Variants in CDKL2 observed in about 807,000 individuals in gnomAD.
CDKL2 encodes the protein cyclin dependent kinase like 2.
CDKL2 carries 64 observed loss-of-function variants against 63.9 expected under a neutral mutation model. The observed-to-expected ratio is 1.00, with a 90% CI of 0.82 to 1.23. CDKL2 has a LOEUF of 1.23. Among genes scored for constraint, CDKL2 ranks in the 50% most tolerant of loss-of-function variants. The pLI is 0.00. For missense variants in CDKL2, 656 were observed against 668.0 expected (o/e 0.98, Z 0.20); for synonymous variants, 211 against 229.2 (o/e 0.92, Z 0.72).
Position 75,581,864 on chromosome 4 carries a change from G to T in CDKL2, c.1682C>A (p.Ala561Asp), listed in dbSNP as rs751532163. The T allele has an allele frequency of 1.2e-5, 20 of 1,612,902 alleles. No homozygotes were observed. The highest frequency in any genetic ancestry group is 1.7e-5 in the Non-Finnish European group (20 of 1,179,236). The change falls in exon 13 of 14, where the codon GCT becomes GAT. Residue 561 changes from alanine (A) to aspartate (D), a missense_variant. By Grantham distance (126) the Ala-to-Asp change is moderately radical. Coordinates refer to ENST00000307465, the MANE Select transcript of CDKL2 (RefSeq NM_001330724.2). ...SGPPLSDDSGADLPQMEHQH is the reference protein window; with the variant it reads ...SGPPLSDDSGDDLPQMEHQH ...CTGGTGTTCCATTTGAGGCAAATCA[G>T]CCCCTGAATCATCTGACAGGGGAGG... is the stretch of plus-strand genomic sequence containing the variant.
Position 75,580,159 on chromosome 4 carries a change from C to T in CDKL2, c.*24-981G>A, listed in dbSNP as rs146229663. On this transcript the variant is annotated intron_variant, in intron 13 of 13. Transcript: ENST00000307465. ...TGGTGGCACACACCTGTGATCCCAGCTACTCAGGAGGCTGAGGCATGAGGA... is the reference window on the plus strand; with the variant it reads ...TGGTGGCACACACCTGTGATCCCAGTTACTCAGGAGGCTGAGGCATGAGGA... Among the ~76,000 whole-genome samples, 494 of 152,146 alleles carry T rather than the reference C, an allele frequency of 3.2e-3. 4 individuals are homozygous for T. The highest frequency in any genetic ancestry group is 0.011 in the African/African-American group (438 of 41,488).
At chr4:75,584,073 C>T (rs2148857939) in intron 12 of CDKL2, among the ~76,000 whole-genome samples, 1 of 152,256 alleles carries the variant, frequency 6.6e-6, no homozygotes, top group Admixed American at 6.5e-5. Flanking sequence ...TATGAAGGGA[C>T]TTTGTGCATG....
At chr4:75,579,868 C>G (rs572461298) in intron 13 of CDKL2, among the ~76,000 whole-genome samples, 1 of 152,318 alleles carries the variant, frequency 6.6e-6, no homozygotes, top group Admixed American at 6.5e-5. Flanking sequence ...TTGAAAGGAC[C>G]TGTGCAAATG....
At chr4:75,593,110 G>A (rs1728780588) in intron 10 of CDKL2, among the ~76,000 whole-genome samples, 1 of 152,114 alleles carries the variant, frequency 6.6e-6, no homozygotes, top group Admixed American at 6.6e-5. Context: ...CTACCAGAAA[G>A]TCTTCAAGAG....
intron 3 of CDKL2, among the ~76,000 whole-genome samples, chr4:75,607,961 T>C (rs552592108): frequency 1.2e-4 from 18 of 151,778 alleles, no homozygotes; most frequent in Non-Finnish European, 1.6e-4. Context: ...TACTGGCGCC[T>C]GCCACCACGC....
At chr4:75,616,909 T>C (rs1729952908) in intron 2 of CDKL2, among the ~76,000 whole-genome samples, 1 of 151,936 alleles carries the variant, frequency 6.6e-6, no homozygotes, top group African/African-American at 2.4e-5. Context: ...GGGAGCTAAA[T>C]GATGAGTGCA....
In CDKL2 at chr4:75,614,214, T is replaced by C. The variant is rs1349936359; in HGVS notation, c.363+41A>G. ...TAAGACAGATTAAAGGATTAATGAATAAATATGTGATAAAGCAAATTATTT... is the reference window on the plus strand; with the variant it reads ...TAAGACAGATTAAAGGATTAATGAACAAATATGTGATAAAGCAAATTATTT... On this transcript the variant is annotated intron_variant, in intron 3 of 13. Transcript: ENST00000307465. 2.3e-6 allele frequency: 3 copies of C among 1,300,924 alleles called. No individual in the cohort carries two copies. In the South Asian group the frequency reaches 4.0e-5, roughly 17 times the overall value. 80.6% of individuals were successfully genotyped at this position (1,300,924 alleles called of 1,614,324 possible).
rs1729460494 is a variant in CDKL2, at chr4:75,607,270, G to A, written c.455C>T (p.Ala152Val). 1.9e-6 allele frequency: 3 copies of A among 1,613,980 alleles called. No individual in the cohort carries two copies. Among genetic ancestry groups the A allele is most frequent in the Non-Finnish European group, 2.5e-6 (3 of 1,179,890 alleles). The change falls in exon 4 of 14, where the codon GCA becomes GTA. Residue 152 changes from alanine to valine, a missense_variant. Transcript: ENST00000307465. ...LCDFGFARTL[A>V]APGEVYTDYV... is the part of the protein sequence containing the mutation. ...ATCAGTATAAACCTCCCCAGGAGCT[G>A]CCAATGTTCGCGCAAATCCAAAATC... is the stretch of plus-strand genomic sequence containing the variant.
intron 6 of CDKL2, among the ~76,000 whole-genome samples, chr4:75,603,574 C>CA (rs1269444011): frequency 1.3e-5 from 2 of 150,588 alleles, no homozygotes; most frequent in Admixed American, 6.6e-5. Flanking sequence ...ACTAAAAATA[C>CA]AAAAAATTAG....
chr4:75,579,174 A>C lies in CDKL2; in HGVS notation c.*28T>G, dbSNP rs1046714185. 5 of 152,276 alleles carry C rather than the reference A, an allele frequency of 3.3e-5. No homozygotes were observed. Among genetic ancestry groups the C allele is most frequent in the Non-Finnish European group, 7.3e-5 (5 of 68,048 alleles). 9.4% of individuals were successfully genotyped at this position (152,276 alleles called of 1,614,324 possible). A position where few individuals can be genotyped will look rare whatever the true frequency, so the allele number is the denominator to read the frequency against. On this transcript the variant is annotated 3_prime_UTR_variant, in exon 14 of 14. Transcript: ENST00000307465. Reference sequence around the variant, plus strand: ...AAGATGTCATCTCAAGTGCAAGAGCATCATCTAAAAGCACAGGAGGATATA... The same window carrying C: ...AAGATGTCATCTCAAGTGCAAGAGCCTCATCTAAAAGCACAGGAGGATATA...
rs553008059 is a variant in CDKL2 at position 75,603,394 on chromosome 4, A to G, written c.795+423T>C. On this transcript the variant is annotated intron_variant, in intron 6 of 13. Coordinates refer to ENST00000307465, the MANE Select transcript of CDKL2 (RefSeq NM_001330724.2). ...ATCAAATTATTTAAATTGTTTCTAAATGTACAAAAATTAAAATTATTAGAG... is the reference window on the plus strand; with the variant it reads ...ATCAAATTATTTAAATTGTTTCTAAGTGTACAAAAATTAAAATTATTAGAG... Among the ~76,000 whole-genome samples, 229 of 152,076 alleles carry G rather than the reference A, an allele frequency of 1.5e-3. 1 individual carries two copies. The highest frequency in any genetic ancestry group is 5.4e-3 in the African/African-American group (224 of 41,508).
At chr4:75,598,594 A>T (rs1250142851) in intron 7 of CDKL2, among the ~76,000 whole-genome samples, 26 of 150,176 alleles carry the variant, frequency 1.7e-4, no homozygotes, top group African/African-American at 6.1e-4. Context: ...TTTTTTTTTA[A>T]AAAAAAAAAA....
rs1348167865 is a variant in CDKL2, at chr4:75,612,233, A to G, written c.363+2022T>C. Reference sequence around the variant, plus strand: ...AGTGATCAGACCACGTCGGCCCCACAAAGTGCTAGGATTACATGCATGAGC... The same window carrying G: ...AGTGATCAGACCACGTCGGCCCCACGAAGTGCTAGGATTACATGCATGAGC... On this transcript the variant is annotated intron_variant, in intron 3 of 13. Transcript: ENST00000307465. Among the ~76,000 whole-genome samples the G allele has an allele frequency of 2.0e-5, 3 of 152,182 alleles. No individual in the cohort carries two copies. In the South Asian group the frequency reaches 6.2e-4, roughly 32 times the overall value.
intron 1 of CDKL2, among the ~76,000 whole-genome samples, chr4:75,629,075 GT>G (rs1453334501): frequency 7.8e-6 from 1 of 128,062 alleles, no homozygotes; most frequent in Non-Finnish European, 1.7e-5. Flanking sequence ...TTAATAAACT[GT>G]TTGTATTTGA....
rs958975583 is a variant in CDKL2, at chr4:75,598,316, C to T, written c.885-104G>A. The T allele has an allele frequency of 5.8e-5, 35 of 599,674 alleles. No individual in the cohort carries two copies. The African/African-American group carries it at 6.7e-4, about 11-fold the overall frequency. The allele number at this position is 599,674 out of a possible 1,614,324, so 37.1% of individuals were successfully genotyped here. A position where few individuals can be genotyped will look rare whatever the true frequency, so the allele number is the denominator to read the frequency against. ...TTTAAAAATTGAATGTTAAACTAGT[C>T]TATGTTATTAAAAATGAGAAAAATC... On this transcript the variant is annotated intron_variant, in intron 7 of 13. Transcript: ENST00000307465.
chr4:75,596,117 T>C (rs2148874832), intron 10 of CDKL2, 130 bp downstream of exon 10: 1 of 578,358 alleles, frequency 1.7e-6, no homozygotes, highest in Non-Finnish European at 3.1e-6. Flanking sequence ...GGATAATATA[T>C]GCACAATTAA....
In CDKL2 at chr4:75,600,293, C is replaced by T. The variant is rs1310464971; in HGVS notation, c.872G>A (p.Gly291Glu). 1 of 1,611,914 alleles carries T rather than the reference C, an allele frequency of 6.2e-7. No homozygotes were observed. Among genetic ancestry groups the T allele is most frequent in the East Asian group, 2.2e-5 (1 of 44,864 alleles). Residue 291 changes from glycine to glutamate, a missense_variant, in exon 7 of 14, where the codon GGA (glycine) becomes GAA (glutamate). By Grantham distance (98) the Gly-to-Glu change is moderately conservative (BLOSUM62 -2). Coordinates refer to ENST00000307465, the MANE Select transcript of CDKL2 (RefSeq NM_001330724.2). ...GTAAGTACTATACCTCTCAGCAAAT[C>T]CATCCATTTGAAAGAAATCATGGTG... Reference protein sequence around the residue: ...LLHHDFFQMDGFAERFSQELQ... With the variant: ...LLHHDFFQMDEFAERFSQELQ...
chr4:75,577,275 A>G lies in CDKL2; in HGVS notation c.*1927T>C, dbSNP rs533840739. Among the ~76,000 whole-genome samples, 3 of 152,292 alleles carry G rather than the reference A, an allele frequency of 2.0e-5. No homozygotes were observed. In the South Asian group the frequency reaches 6.2e-4, roughly 32 times the overall value. ...TTAAAAAAAGGATCATTTTGGTTCA[A>G]TATCTATTATTGTTGATTATGTAAT... On this transcript the variant is annotated 3_prime_UTR_variant, in exon 14 of 14. Transcript: ENST00000307465.
At chr4:75,600,154 A>C (rs1040002687) in intron 7 of CDKL2, 127 bp downstream of exon 7, 1 of 611,494 alleles carries the variant, frequency 1.6e-6, no homozygotes, top group Admixed American at 2.9e-5. Flanking sequence ...ATGGGGGTAG[A>C]GTGGTAGATA....
Sources: gnomAD v4.1 joint callset for allele counts (sites outside exome capture counted in the v4.1 genomes callset) on GRCh38, gnomAD v4.1.1 for gene constraint, MANE v1.5 for transcripts, NCBI Gene and HGNC (gene_info 2026-07-23, HGNC 2026-07-21) for gene names.